MAST2: variants seen among roughly 807,000 people sequenced by gnomAD.
The protein encoded by MAST2 is microtubule associated serine/threonine kinase 2.
Under a neutral mutation model 147.4 loss-of-function variants are expected in MAST2, and 70 were observed. That is an observed-to-expected ratio of 0.47 (90% confidence interval 0.39 to 0.58). The LOEUF is 0.58. Among genes scored for constraint, MAST2 ranks in the 20% least tolerant of loss-of-function variants. The probability of loss-of-function intolerance (pLI) is 0.00; values close to 1 mark genes in which losing one functional copy is unlikely to be tolerated. For missense variants in MAST2, 2,080 were observed against 2,302.3 expected, an observed-to-expected ratio of 0.90 and a Z score of 1.98; for synonymous variants, 869 against 896.8, an observed-to-expected ratio of 0.97 and a Z score of 0.55.
intron 3 of MAST2, among the ~76,000 whole-genome samples, chr1:45,846,120 A>AT (rs34618078): frequency 7.9e-5 from 12 of 151,858 alleles, no homozygotes; most frequent in African/African-American, 2.2e-4. Flanking sequence ...ATCATCACTG[A>AT]TTTTTTTTTT....
chr1:45,894,982 A>T (rs1648494400), intron 4 of MAST2, among the ~76,000 whole-genome samples: 1 of 152,188 alleles, frequency 6.6e-6, no homozygotes. Context: ...GCAAATATAT[A>T]TACCCATGTA....
intron 5 of MAST2, among the ~76,000 whole-genome samples, chr1:45,995,227 C>T (rs1194389126): frequency 6.6e-6 from 1 of 152,080 alleles, no homozygotes; most frequent in Non-Finnish European, 1.5e-5. Flanking sequence ...GTCTTTGTTC[C>T]TCTGTATAAC....
At chr1:45,950,133 T>C (rs1000595623) in intron 4 of MAST2, among the ~76,000 whole-genome samples, 3 of 152,166 alleles carry the variant, frequency 2.0e-5, no homozygotes, top group African/African-American at 7.2e-5. Context: ...GCTTAATATC[T>C]GGGTGATGAA....
At chr1:45,975,997 CAG>C (rs1435784615) in intron 5 of MAST2, among the ~76,000 whole-genome samples, 2 of 144,400 alleles carry the variant, frequency 1.4e-5, no homozygotes, top group East Asian at 4.1e-4. Flanking sequence ...TTTTTTGAAA[CAG>C]AATCTCTCTC....
At chr1:45,817,697 T>C (rs942680366) in intron 1 of MAST2, among the ~76,000 whole-genome samples, 4 of 151,612 alleles carry the variant, frequency 2.6e-5, no homozygotes, top group African/African-American at 9.8e-5. Context: ...TTAATAACAA[T>C]AATTATGGTG....
chr1:45,998,649 T>C (rs1645149980), intron 6 of MAST2, among the ~76,000 whole-genome samples: 1 of 152,176 alleles, frequency 6.6e-6, no homozygotes, highest in African/African-American at 2.4e-5. Context: ...TCCAGGAAAA[T>C]TATGGTTCCA....
At chr1:45,878,985 C>T (rs1383251741) in intron 3 of MAST2, among the ~76,000 whole-genome samples, 3 of 149,478 alleles carry the variant, frequency 2.0e-5, no homozygotes, top group African/African-American at 7.4e-5. Context: ...AATCGAAATG[C>T]AAGAATCTAG....
intron 4 of MAST2, among the ~76,000 whole-genome samples, chr1:45,893,618 T>C (rs1481396319): frequency 2.7e-5 from 4 of 150,308 alleles, no homozygotes; most frequent in African/African-American, 4.9e-5. Flanking sequence ...AAAAAAAGAC[T>C]GAAAACACTA....
chr1:45,950,809 C>A (rs1201319481), intron 4 of MAST2, among the ~76,000 whole-genome samples: 4 of 152,182 alleles, frequency 2.6e-5, no homozygotes, highest in Non-Finnish European at 5.9e-5. Context: ...AGGGTGGGCA[C>A]AGTGGCTCAC....
At chr1:45,830,102 C>T (rs1402308415) in intron 3 of MAST2, among the ~76,000 whole-genome samples, 1 of 151,008 alleles carries the variant, frequency 6.6e-6, no homozygotes, top group East Asian at 2.0e-4. Flanking sequence ...GGTGATCCTC[C>T]CTGCTCGGCC....
intron 5 of MAST2, among the ~76,000 whole-genome samples, chr1:45,989,435 C>T (rs906086007): frequency 2.6e-5 from 4 of 152,188 alleles, no homozygotes; most frequent in Non-Finnish European, 5.9e-5. Flanking sequence ...TCCAAAGTTT[C>T]TTACGTCAGC....
chr1:45,862,708 G>T (rs1020914528), intron 3 of MAST2, among the ~76,000 whole-genome samples: 1 of 152,108 alleles, frequency 6.6e-6, no homozygotes, highest in Non-Finnish European at 1.5e-5. Context: ...GACCTCAGAT[G>T]ATCCACTTGC....
intron 4 of MAST2, among the ~76,000 whole-genome samples, chr1:45,927,883 A>G (rs1241847354): frequency 1.3e-5 from 2 of 152,220 alleles, no homozygotes; most frequent in Admixed American, 1.3e-4. Flanking sequence ...TTACAAAAGT[A>G]TTAATTTGGG....
chr1:45,962,963 G>A (rs1221203881), intron 5 of MAST2, among the ~76,000 whole-genome samples: 1 of 152,186 alleles, frequency 6.6e-6, no homozygotes, highest in Non-Finnish European at 1.5e-5. Flanking sequence ...AAGGGATCCA[G>A]TTTCAGCTTT....
In MAST2 at chr1:46,023,856, C is replaced by T. The variant is rs763439633; in HGVS notation, c.1656C>T (p.Asn552=). The T allele has an allele frequency of 1.9e-6, 3 of 1,614,158 alleles. No homozygotes were observed. Among genetic ancestry groups the T allele is most frequent in the South Asian group, 2.2e-5 (2 of 91,080 alleles). ...KINKQNLILR[N]QIQQAFVERD... ...ACAAGCAGAACCTGATCCTACGGAACCAGATCCAGCAGGCCTTCGTGGAGC... is the reference window on the plus strand; with the variant it reads ...ACAAGCAGAACCTGATCCTACGGAATCAGATCCAGCAGGCCTTCGTGGAGC... The change falls in exon 15 of 29, where the codon AAC becomes AAT. Residue 552 remains asparagine, a synonymous_variant. Coordinates refer to ENST00000361297, the MANE Select transcript of MAST2 (RefSeq NM_015112.3). This position sits in a 1 kb window ranked among gnomAD's most constrained non-coding sequence, Gnocchi z 4.9.
intron 5 of MAST2, among the ~76,000 whole-genome samples, chr1:45,991,761 GT>G (rs1644863264): frequency 6.6e-6 from 1 of 152,094 alleles, no homozygotes; most frequent in Admixed American, 6.5e-5. Context: ...CAGGATTGTT[GT>G]TTGTTGATTC....
At chr1:45,913,582 C>T in intron 4 of MAST2, 5 of 991,880 alleles carry the variant, frequency 5.0e-6, no homozygotes, top group Non-Finnish European at 6.0e-6. Context: ...GATCAGAGGA[C>T]AGCTGATTCA....
At chr1:45,820,893 C>CTTTTTTTT (rs769508054) in intron 1 of MAST2, among the ~76,000 whole-genome samples, 95 of 43,056 alleles carry the variant, frequency 2.2e-3, no homozygotes, top group African/African-American at 2.8e-3. Flanking sequence ...CTTTCTTTCT[C>CTTTTTTTT]TTTTTTTTTT....
chr1:45,834,446 G>A (rs1425600386), intron 3 of MAST2, among the ~76,000 whole-genome samples: 4 of 151,958 alleles, frequency 2.6e-5, no homozygotes, highest in Non-Finnish European at 5.9e-5. Flanking sequence ...CTATTGAGAG[G>A]ATTTCTCAGA....
Sources: allele counts gnomAD v4.1 joint callset (sites outside exome capture counted in the v4.1 genomes callset), GRCh38; gene constraint gnomAD v4.1.1; non-coding constraint Gnocchi (gnomAD v3.1); transcripts MANE v1.5; gene names NCBI Gene and HGNC (gene_info 2026-07-23, HGNC 2026-07-21).